Variants in PLS1 observed in about 807,000 individuals in gnomAD.
PLS1 encodes the protein plastin 1, also known as plastin-1.
Under a neutral mutation model 73.7 loss-of-function variants are expected in PLS1, and 32 were observed. The ratio of observed to expected loss-of-function variants is 0.43; its 90% CI spans 0.33 to 0.58. The LOEUF (loss-of-function observed/expected upper bound fraction) is 0.58, where lower values mean the gene tolerates loss of function less well. Ranked by LOEUF, PLS1 falls within the 20% of genes least tolerant of loss-of-function variation. The pLI, the probability that PLS1 is intolerant of heterozygous loss-of-function variation, is 0.04. For synonymous variants in PLS1, 217 were observed against 261.3 expected, an observed-to-expected ratio of 0.83 and a Z score of 1.63; for missense variants, 633 against 740.5, an observed-to-expected ratio of 0.85 and a Z score of 1.68.
intron 1 of PLS1, among the ~76,000 whole-genome samples, chr3:142,642,591 T>C (rs1400794314): frequency 6.6e-6 from 1 of 152,338 alleles, no homozygotes; most frequent in East Asian, 1.9e-4. Flanking sequence ...CTGTGCCCCA[T>C]ATGGCAGGGT....
intron 1 of PLS1, among the ~76,000 whole-genome samples, chr3:142,659,543 T>G (rs146118160): frequency 1.6e-4 from 24 of 152,324 alleles, no homozygotes; most frequent in African/African-American, 5.5e-4. Context: ...AGTTATTTGT[T>G]TGTTTTGGTA....
At chr3:142,683,725 C>T (rs541127965) in intron 6 of PLS1, among the ~76,000 whole-genome samples, 97 of 152,152 alleles carry the variant, frequency 6.4e-4, no homozygotes, top group Middle Eastern at 3.4e-3. Flanking sequence ...GAGGTATTGG[C>T]AGAACATCCA....
intron 6 of PLS1, among the ~76,000 whole-genome samples, chr3:142,682,288 T>C (rs947973841): frequency 2.0e-5 from 3 of 152,182 alleles, no homozygotes; most frequent in Non-Finnish European, 4.4e-5. Context: ...ATGGGTCTTT[T>C]AGGTAGCGCC....
intron 4 of PLS1, among the ~76,000 whole-genome samples, chr3:142,674,610 C>A (rs747726978): frequency 2.6e-5 from 4 of 152,150 alleles, no homozygotes; most frequent in Non-Finnish European, 4.4e-5. Flanking sequence ...CACTGCATAA[C>A]CCAACAAAAT....
At chr3:142,672,339 C>CTTT (rs58039666) in intron 4 of PLS1, among the ~76,000 whole-genome samples, 20 of 118,406 alleles carry the variant, frequency 1.7e-4, no homozygotes, top group Admixed American at 2.6e-4. Context: ...ATGAAGTGTA[C>CTTT]TTTTTTTTTT....
intron 10 of PLS1, among the ~76,000 whole-genome samples, chr3:142,691,196 C>T (rs2038078319): frequency 6.6e-6 from 1 of 151,932 alleles, no homozygotes; most frequent in Non-Finnish European, 1.5e-5. Context: ...TCAGATTTAA[C>T]AAATATATTC....
intron 10 of PLS1, among the ~76,000 whole-genome samples, chr3:142,693,728 AGGGAATGCTCAG>A (rs1220941367): frequency 6.6e-6 from 1 of 152,172 alleles, no homozygotes; most frequent in African/African-American, 2.4e-5. Context: ...ACTGTTACAA[AGGGAATGCTCAG>A]GGAGGTATGG....
chr3:142,655,053 T>G (rs2037191961), intron 1 of PLS1: 1 of 152,292 alleles, frequency 6.6e-6, no homozygotes, highest in East Asian at 1.9e-4. Flanking sequence ...ATCCTTTACC[T>G]GCAAGGAGCA....
chr3:142,681,309 G>T (rs1293601077), intron 6 of PLS1, among the ~76,000 whole-genome samples: 1 of 142,920 alleles, frequency 7.0e-6, no homozygotes, highest in Non-Finnish European at 1.5e-5. Flanking sequence ...CTATAAATAA[G>T]ATAGATGTTA....
chr3:142,606,605 C>T (rs975497032), intron 1 of PLS1, among the ~76,000 whole-genome samples: 1 of 152,206 alleles, frequency 6.6e-6, no homozygotes, highest in African/African-American at 2.4e-5. Flanking sequence ...ACTACCTCCT[C>T]CCCAGCTGCC....
At chr3:142,608,863 A>C (rs1332095150) in intron 1 of PLS1, among the ~76,000 whole-genome samples, 1 of 152,198 alleles carries the variant, frequency 6.6e-6, no homozygotes, top group African/African-American at 2.4e-5. Context: ...ATGCAGCCTG[A>C]GGGTCATAAA....
At chr3:142,640,403 A>G (rs2036805453) in intron 1 of PLS1, among the ~76,000 whole-genome samples, 1 of 152,210 alleles carries the variant, frequency 6.6e-6, no homozygotes, top group South Asian at 2.1e-4. Context: ...TATTTCCAAG[A>G]ATGTGTAGTC....
intron 1 of PLS1, among the ~76,000 whole-genome samples, chr3:142,635,851 C>G (rs779283817): frequency 6.6e-6 from 1 of 151,936 alleles, no homozygotes; most frequent in Admixed American, 6.6e-5. Context: ...ATTTCTAGAG[C>G]TTTTTGTTTG....
At chr3:142,668,230 C>T (rs188179552) in intron 2 of PLS1, among the ~76,000 whole-genome samples, 3 of 152,256 alleles carry the variant, frequency 2.0e-5, no homozygotes, top group East Asian at 1.9e-4. Flanking sequence ...AAGTGATACC[C>T]GGCCTCTAGG....
intron 12 of PLS1, among the ~76,000 whole-genome samples, chr3:142,700,426 C>A (rs1417690085): frequency 6.6e-6 from 1 of 151,962 alleles, no homozygotes; most frequent in Non-Finnish European, 1.5e-5. Context: ...AGGTTCATGC[C>A]ATTCTCCTGC....
intron 4 of PLS1, among the ~76,000 whole-genome samples, chr3:142,673,340 C>T (rs1296524304): frequency 6.6e-6 from 1 of 152,080 alleles, no homozygotes; most frequent in Non-Finnish European, 1.5e-5. Flanking sequence ...CCCTTCATTC[C>T]TTTTTATTGC....
chr3:142,654,673 G>A (rs1030420805), intron 1 of PLS1: 5 of 152,178 alleles, frequency 3.3e-5, no homozygotes, highest in African/African-American at 1.2e-4. Flanking sequence ...TATTTTGATA[G>A]ATTTAGAAGA....
At chr3:142,691,395 A>G (rs770554652) in intron 10 of PLS1, among the ~76,000 whole-genome samples, 8 of 152,170 alleles carry the variant, frequency 5.3e-5, no homozygotes, top group Non-Finnish European at 1.2e-4. Context: ...GTTAGGTTTT[A>G]TCAGTCTGGA....
intron 1 of PLS1, among the ~76,000 whole-genome samples, chr3:142,598,494 A>G (rs111795174): frequency 0.018 from 2,683 of 152,294 alleles, 29 homozygotes; most frequent in South Asian, 0.041. Flanking sequence ...GGGGGATTAC[A>G]GGAGACAGGC....
Sources: gnomAD v4.1 joint callset for allele counts (sites outside exome capture counted in the v4.1 genomes callset) on GRCh38, gnomAD v4.1.1 for gene constraint, MANE v1.5 for transcripts, NCBI Gene and HGNC (gene_info 2026-07-23, HGNC 2026-07-21) for gene names.